CNTN4: variants seen among roughly 807,000 people sequenced by gnomAD.
CNTN4 encodes contactin-4.
Under a neutral mutation model 122.5 loss-of-function variants are expected in CNTN4, and 77 were observed. The ratio of observed to expected loss-of-function variants is 0.63; its 90% confidence interval spans 0.52 to 0.76. The LOEUF (loss-of-function observed/expected upper bound fraction) is 0.76. Among genes scored for constraint, CNTN4 ranks in the 30% least tolerant of loss-of-function variants. The pLI is 0.00. For missense variants in CNTN4, 1,256 were observed against 1,259.1 expected, an observed-to-expected ratio of 1.00 and a Z score of 0.04; for synonymous variants, 512 against 447.0, an observed-to-expected ratio of 1.15 and a Z score of -1.83.
intron 3 of CNTN4, among the ~76,000 whole-genome samples, chr3:2,384,163 A>T (rs1328021521): frequency 1.3e-5 from 2 of 152,118 alleles, no homozygotes; most frequent in South Asian, 4.1e-4. Flanking sequence ...TGTGCATCAT[A>T]AGGACTCAGT....
At chr3:2,110,017 T>C (rs1377692284) in intron 2 of CNTN4, among the ~76,000 whole-genome samples, 1 of 152,272 alleles carries the variant, frequency 6.6e-6, no homozygotes, top group Non-Finnish European at 1.5e-5. Context: ...GCTTTTAATA[T>C]AATAGTATCT....
In CNTN4 at chr3:2,583,688, C is replaced by T. The variant is rs535825998; in HGVS notation, c.55+12130C>T. Among the ~76,000 whole-genome samples, 15 of 152,200 alleles carry T rather than the reference C, an allele frequency of 9.9e-5. No homozygotes were observed. In the South Asian group the frequency reaches 1.2e-3, roughly 13 times the overall value. On this transcript the variant is annotated intron_variant, in intron 4 of 24. Coordinates refer to ENST00000418658, the MANE Select transcript of CNTN4 (RefSeq NM_175607.3). ...CTTATAATTCCTCAGAAAATATTTACGCATTCTTTATTTATTAATTTATGA... is the reference window on the plus strand; with the variant it reads ...CTTATAATTCCTCAGAAAATATTTATGCATTCTTTATTTATTAATTTATGA...
chr3:3,019,817 CAT>C (rs1698132245), intron 14 of CNTN4, among the ~76,000 whole-genome samples: 3 of 115,128 alleles, frequency 2.6e-5, no homozygotes, highest in African/African-American at 6.9e-5. Flanking sequence ...TATATATATA[CAT>C]ATATATATTT....
At chr3:2,375,931 A>G (rs1424423743) in intron 3 of CNTN4, among the ~76,000 whole-genome samples, 1 of 152,146 alleles carries the variant, frequency 6.6e-6, no homozygotes, top group Non-Finnish European at 1.5e-5. Flanking sequence ...AGAAAAAAAA[A>G]AAGAGAAAAC....
At chr3:2,461,560 C>T (rs1354787667) in intron 3 of CNTN4, among the ~76,000 whole-genome samples, 2 of 152,146 alleles carry the variant, frequency 1.3e-5, no homozygotes, top group South Asian at 2.1e-4. Context: ...AGCTCTTAAC[C>T]GCTGTACCGA....
chr3:2,710,287 A>G (rs1213489177), intron 4 of CNTN4, among the ~76,000 whole-genome samples: 1 of 152,218 alleles, frequency 6.6e-6, no homozygotes, highest in Non-Finnish European at 1.5e-5. Context: ...AGCACTTCAC[A>G]GGTTGCCTAT....
intron 4 of CNTN4, among the ~76,000 whole-genome samples, chr3:2,695,104 G>A: frequency 6.6e-6 from 1 of 152,162 alleles, no homozygotes; most frequent in Admixed American, 6.6e-5. Context: ...TGGGCAAAAA[G>A]CACCTGTCCT....
At chr3:2,170,908 G>A (rs1011567478) in intron 2 of CNTN4, among the ~76,000 whole-genome samples, 2 of 152,066 alleles carry the variant, frequency 1.3e-5, no homozygotes, top group African/African-American at 2.4e-5. Context: ...TGAAAAAATG[G>A]TCTATTTTAA....
intron 4 of CNTN4, among the ~76,000 whole-genome samples, chr3:2,710,445 T>A (rs2087070775): frequency 1.3e-5 from 2 of 152,228 alleles, no homozygotes; most frequent in South Asian, 4.1e-4. Context: ...TTTCCATAAC[T>A]AGTGCAATTT....
At chr3:2,362,421 C>G in intron 3 of CNTN4, 1 of 365,280 alleles carries the variant, frequency 2.7e-6, no homozygotes, top group Non-Finnish European at 5.3e-6. Flanking sequence ...CAACCATCTT[C>G]TGTGGGATCC....
At chr3:3,051,193 A>C (rs184580174) in intron 23 of CNTN4, among the ~76,000 whole-genome samples, 81 of 152,334 alleles carry the variant, frequency 5.3e-4, no homozygotes, top group Admixed American at 9.8e-4. Context: ...CACAGTGTTC[A>C]GACATTAAAT....
At chr3:2,340,606 G>A (rs577592104) in intron 3 of CNTN4, among the ~76,000 whole-genome samples, 5 of 149,244 alleles carry the variant, frequency 3.4e-5, no homozygotes, top group African/African-American at 9.8e-5. Flanking sequence ...CTTGGGCCTG[G>A]GAGGTCAAGG....
At chr3:2,753,668 T>C (rs2090201772) in intron 6 of CNTN4, among the ~76,000 whole-genome samples, 2 of 152,220 alleles carry the variant, frequency 1.3e-5, no homozygotes, top group Admixed American at 6.5e-5. Context: ...GTGAAATTTA[T>C]GTTCAATCCG....
At chr3:2,255,039 AT>A (rs2040523816) in intron 2 of CNTN4, among the ~76,000 whole-genome samples, 1 of 152,134 alleles carries the variant, frequency 6.6e-6, no homozygotes, top group Non-Finnish European at 1.5e-5. Context: ...TAAGTGTTTA[AT>A]CCAGCTTGAG....
intron 4 of CNTN4, among the ~76,000 whole-genome samples, chr3:2,635,523 T>C (rs1292190287): frequency 6.6e-6 from 1 of 152,184 alleles, no homozygotes; most frequent in East Asian, 1.9e-4. Context: ...ATGGAATAAC[T>C]AGATCCCAAT....
At chr3:2,715,693 C>A (rs1375207893) in intron 4 of CNTN4, among the ~76,000 whole-genome samples, 1 of 152,192 alleles carries the variant, frequency 6.6e-6, no homozygotes, top group South Asian at 2.1e-4. Flanking sequence ...GACTTCCTTT[C>A]TGGTGAGGGC....
At position 2,309,224 on chromosome 3, in the gene CNTN4, C is replaced by T. The variant is rs192186363; in HGVS notation, c.-144-29954C>T. On this transcript the variant is annotated intron_variant, in intron 2 of 24. Transcript: ENST00000418658. ...TCATTATAAAATCTGTTCATCTGTA[C>T]TAAAATTTTTGGCTTAAAGTATTGA... 5.3e-5 allele frequency among the ~76,000 whole-genome samples: 8 copies of T among 152,092 alleles called. No homozygotes were observed. In the East Asian group the frequency reaches 1.4e-3, roughly 26 times the overall value.
Position 2,380,906 on chromosome 3 carries a change from T to C in CNTN4, c.-89+41673T>C, listed in dbSNP as rs1056135941. Among the ~76,000 whole-genome samples the C allele has an allele frequency of 5.3e-5, 8 of 152,182 alleles. No individual in the cohort carries two copies. The South Asian group carries it at 8.3e-4, about 16-fold the overall frequency. ...CAGATCAATTTGAATCATATGTGTT[T>C]TTCTATTTTCTGAATTCAACACTGT... On this transcript the variant is annotated intron_variant, in intron 3 of 24. Transcript: ENST00000418658.
At chr3:2,499,495 G>A (rs1317852961) in intron 3 of CNTN4, among the ~76,000 whole-genome samples, 2 of 152,078 alleles carry the variant, frequency 1.3e-5, no homozygotes, top group East Asian at 1.9e-4. Context: ...AAATTATGGG[G>A]TGTGAATTAC....
Sources: allele counts gnomAD v4.1 joint callset (sites outside exome capture counted in the v4.1 genomes callset), GRCh38; gene constraint gnomAD v4.1.1; transcripts MANE v1.5; gene names NCBI Gene and HGNC (gene_info 2026-07-23, HGNC 2026-07-21).